The following GRIK2 variants were observed in gnomAD, a reference collection of about 807,000 sequenced individuals.
The protein encoded by GRIK2 is glutamate ionotropic receptor kainate type subunit 2, also known as glutamate receptor ionotropic, kainate 2.
A neutral mutation model predicts 100.3 loss-of-function variants in GRIK2; 32 were observed. That is an observed-to-expected ratio of 0.32 (90% CI 0.24 to 0.43). The LOEUF is 0.43. GRIK2 is among the 20% of genes least tolerant of loss of function. The pLI is 1.00. For missense variants in GRIK2, 843 were observed against 1,114.9 expected, an observed-to-expected ratio of 0.76 and a Z score of 3.47; for synonymous variants, 417 against 389.4, an observed-to-expected ratio of 1.07 and a Z score of -0.83.
intron 2 of GRIK2, among the ~76,000 whole-genome samples, chr6:101,545,290 C>T (rs1776179896): frequency 6.6e-6 from 1 of 152,108 alleles, no homozygotes; most frequent in Non-Finnish European, 1.5e-5. Flanking sequence ...CTGTAGTGCA[C>T]CATCTTGTTA....
chr6:101,779,915 A>G (rs1778983859), intron 7 of GRIK2, among the ~76,000 whole-genome samples: 1 of 152,194 alleles, frequency 6.6e-6, no homozygotes, highest in Admixed American at 6.5e-5. Context: ...GAGAGAAAAT[A>G]GAACAGATTA....
intron 7 of GRIK2, among the ~76,000 whole-genome samples, chr6:101,728,998 C>A (rs530742395): frequency 6.7e-4 from 102 of 152,054 alleles, no homozygotes; most frequent in African/African-American, 2.4e-3. Flanking sequence ...CAGTCAGCAA[C>A]TAAATATATT....
chr6:101,588,081 G>A (rs1324329595), intron 2 of GRIK2, among the ~76,000 whole-genome samples: 1 of 152,068 alleles, frequency 6.6e-6, no homozygotes, highest in Non-Finnish European at 1.5e-5. Context: ...AGCTCTTTGT[G>A]TTAGGGGGCA....
At chr6:101,473,329 T>C (rs1772053868) in intron 2 of GRIK2, among the ~76,000 whole-genome samples, 2 of 151,780 alleles carry the variant, frequency 1.3e-5, no homozygotes, top group African/African-American at 4.8e-5. Flanking sequence ...TTTAAGAATT[T>C]TAGTAATTTT....
At chr6:101,794,480 G>T (rs1780150475) in intron 7 of GRIK2, among the ~76,000 whole-genome samples, 1 of 151,748 alleles carries the variant, frequency 6.6e-6, no homozygotes, top group African/African-American at 2.4e-5. Context: ...TTCTTTAATT[G>T]TTTTTGTTTG....
At chr6:102,064,784 A>C (rs898612750) in intron 16 of GRIK2, among the ~76,000 whole-genome samples, 1 of 151,108 alleles carries the variant, frequency 6.6e-6, no homozygotes, top group Non-Finnish European at 1.5e-5. Flanking sequence ...TGCCTTGTAA[A>C]CCTTTAAACA....
intron 16 of GRIK2, among the ~76,000 whole-genome samples, chr6:102,063,470 A>C (rs1582810741): frequency 6.6e-6 from 1 of 150,782 alleles, no homozygotes; most frequent in African/African-American, 2.4e-5. Context: ...ACTGTTTTTC[A>C]AAAATAAGTA....
chr6:102,010,810 C>T (rs1269231594), intron 14 of GRIK2, among the ~76,000 whole-genome samples: 2 of 151,838 alleles, frequency 1.3e-5, no homozygotes, highest in East Asian at 1.9e-4. Flanking sequence ...GCTTCTTGCA[C>T]TGAGTAATAT....
chr6:101,712,693 A>G (rs929003817), intron 7 of GRIK2, among the ~76,000 whole-genome samples: 3 of 151,830 alleles, frequency 2.0e-5, no homozygotes. Flanking sequence ...TTCTACTTTT[A>G]TCACCATTGA....
chr6:101,415,921 A>C (rs186757391), intron 2 of GRIK2, among the ~76,000 whole-genome samples: 29 of 152,334 alleles, frequency 1.9e-4, no homozygotes. Context: ...AAAATAGATA[A>C]AATAGATAAA....
chr6:101,415,558 G>A (rs1776100945), intron 2 of GRIK2, among the ~76,000 whole-genome samples: 1 of 151,768 alleles, frequency 6.6e-6, no homozygotes, highest in Non-Finnish European at 1.5e-5. Flanking sequence ...ATTTAGTAGA[G>A]ACGGGGTTTC....
At chr6:102,005,645 T>C (rs1017738198) in intron 14 of GRIK2, among the ~76,000 whole-genome samples, 1 of 152,178 alleles carries the variant, frequency 6.6e-6, no homozygotes, top group Non-Finnish European at 1.5e-5. Flanking sequence ...CATTGAATCA[T>C]TGTTTGGAAT....
chr6:101,609,175 G>A (rs954332775), intron 2 of GRIK2, among the ~76,000 whole-genome samples: 3 of 151,510 alleles, frequency 2.0e-5, no homozygotes, highest in Non-Finnish European at 2.9e-5. Context: ...TCCACAATCA[G>A]TTTTTGAGTT....
At chr6:101,677,168 G>A (rs1348549293) in intron 5 of GRIK2, among the ~76,000 whole-genome samples, 2 of 152,058 alleles carry the variant, frequency 1.3e-5, no homozygotes, top group Admixed American at 6.6e-5. Flanking sequence ...GTAGGAAAAA[G>A]ATGTAATAGA....
chr6:101,766,771 T>G (rs1778068687), intron 7 of GRIK2, among the ~76,000 whole-genome samples: 1 of 152,194 alleles, frequency 6.6e-6, no homozygotes, highest in Admixed American at 6.5e-5. Context: ...GGTTTGGGCC[T>G]TCACTTGCAG....
chr6:101,675,279 G>T (rs1482987435), intron 4 of GRIK2, among the ~76,000 whole-genome samples: 1 of 141,628 alleles, frequency 7.1e-6, no homozygotes, highest in African/African-American at 2.6e-5. Context: ...GTACGCACAC[G>T]CGCACGCACA....
intron 2 of GRIK2, among the ~76,000 whole-genome samples, chr6:101,595,741 T>TA (rs1778899760): frequency 4.1e-5 from 6 of 146,362 alleles, no homozygotes; most frequent in East Asian, 2.0e-4. Context: ...TATATATATA[T>TA]TCATACACAT....
intron 2 of GRIK2, among the ~76,000 whole-genome samples, chr6:101,607,792 G>A (rs1779500732): frequency 6.6e-6 from 1 of 151,662 alleles, no homozygotes; most frequent in African/African-American, 2.4e-5. Flanking sequence ...AGCCTTTTGG[G>A]TACAAATTAA....
chr6:101,595,714 G>GAATATATATATATATATATATA (rs1778892666), intron 2 of GRIK2, among the ~76,000 whole-genome samples: 2 of 129,620 alleles, frequency 1.5e-5, no homozygotes, highest in African/African-American at 2.9e-5. Context: ...GTGTGTGTGT[G>GAATATATATATATATATATATA]TGTGTATATA....
Sources: gnomAD v4.1 joint callset for allele counts (sites outside exome capture counted in the v4.1 genomes callset) on GRCh38, gnomAD v4.1.1 for gene constraint, MANE v1.5 for transcripts, NCBI Gene and HGNC (gene_info 2026-07-23, HGNC 2026-07-21) for gene names.